Variants in TLE3 observed in about 807,000 individuals in gnomAD.
TLE3 encodes transducin-like enhancer protein 3.
A neutral mutation model predicts 93.0 loss-of-function variants in TLE3; 14 were observed. The ratio of observed to expected loss-of-function variants is 0.15; its 90% confidence interval spans 0.10 to 0.24. TLE3 has a LOEUF of 0.24. Ranked by LOEUF, TLE3 falls within the 10% of genes least tolerant of loss-of-function variation. The pLI, the probability that TLE3 is intolerant of heterozygous loss-of-function variation, is 1.00. For synonymous variants in TLE3, 451 were observed against 425.0 expected (o/e 1.06, Z -0.75); for missense variants, 693 against 1,046.6 (o/e 0.66, Z 4.66).
intron 10 of TLE3, among the ~76,000 whole-genome samples, chr15:70,059,119 G>A (rs1008861594): frequency 2.0e-5 from 3 of 152,126 alleles, no homozygotes; most frequent in Non-Finnish European, 4.4e-5. Flanking sequence ...TGAGACCCTG[G>A]GGGGACGGAG....
rs1018291144 is a variant in TLE3 at position 70,063,829 on chromosome 15, C to T, written c.594+625G>A. 7.2e-5 allele frequency among the ~76,000 whole-genome samples: 11 copies of T among 152,318 alleles called. No homozygotes were observed. In the South Asian group the frequency reaches 1.4e-3, roughly 20 times the overall value. On this transcript the variant is annotated intron_variant, in intron 8 of 19. Coordinates refer to ENST00000451782, the MANE Select transcript of TLE3 (RefSeq NM_001105192.3). The stretch of plus-strand genomic sequence containing the variant: ...ACGCAGGCGGCCTGGCCTTAATGCT[C>T]GCCTGCTAGCACTTTCTTAAATCGA...
At chr15:70,065,978 T>TCCCCC in intron 7 of TLE3, 36 bp downstream of exon 7, 2 of 686,820 alleles carry the variant, frequency 2.9e-6, no homozygotes, top group Non-Finnish European at 5.0e-6. Flanking sequence ...TGCCCACCCC[T>TCCCCC]GCCCCGCCCC....
intron 17 of TLE3, chr15:70,052,935 G>A (rs1478886255): frequency 9.5e-6 from 4 of 418,852 alleles, no homozygotes; most frequent in Non-Finnish European, 1.7e-5. Flanking sequence ...CTAGGAGGGT[G>A]CTACTATTAT....
At position 70,070,934 on chromosome 15, in the gene TLE3, TA is replaced by T. The variant is rs372769874; in HGVS notation, c.372+3598del. 1.4e-3 allele frequency among the ~76,000 whole-genome samples: 215 copies of T among 150,024 alleles called. 1 individual carries two copies. The highest frequency in any genetic ancestry group is 5.1e-3 in the East Asian group (26 of 5,122). ...CCCTCTTCCTCTCCTCCCTCCCACT[TA>T]AAAAAAAAATCAAGTCAATGCTCTG... On this transcript the variant is annotated intron_variant, in intron 6 of 19. Transcript: ENST00000451782.
chr15:70,058,750 A>G lies in TLE3; in HGVS notation c.831T>C (p.Arg277=), dbSNP rs377571879. 8.7e-6 allele frequency: 14 copies of G among 1,610,924 alleles called. No homozygotes were observed. The highest frequency in any genetic ancestry group is 1.3e-5 in the African/African-American group (1 of 74,866). ...SPPENGLDKA[R]SLKKDAPTSP... is the part of the protein sequence containing the mutation. ...TGGTGGGGGCATCTTTTTTCAGGCT[A>G]CGGGCCTTGTCCAGCCCATTTTCAG... The change falls in exon 11 of 20, where the codon CGT becomes CGC. Residue 277 remains arginine (R), a synonymous_variant. Coordinates refer to ENST00000451782, the MANE Select transcript of TLE3 (RefSeq NM_001105192.3). This position sits in a 1 kb window ranked among gnomAD's most constrained non-coding sequence, Gnocchi z 4.1.
intron 6 of TLE3, among the ~76,000 whole-genome samples, chr15:70,067,693 A>T (rs1320587189): frequency 6.6e-6 from 1 of 152,236 alleles, no homozygotes; most frequent in East Asian, 1.9e-4. Flanking sequence ...GGAGGCAGTA[A>T]GCATTTCAGG....
At chr15:70,072,389 C>T (rs1436141796) in intron 6 of TLE3, among the ~76,000 whole-genome samples, 1 of 152,158 alleles carries the variant, frequency 6.6e-6, no homozygotes, top group Non-Finnish European at 1.5e-5. Flanking sequence ...AGGAGTTGGC[C>T]TGGAAACCTC....
intron 6 of TLE3, among the ~76,000 whole-genome samples, chr15:70,073,030 C>T (rs940348735): frequency 6.6e-6 from 1 of 152,220 alleles, no homozygotes; most frequent in African/African-American, 2.4e-5. Flanking sequence ...GCTTGCATCC[C>T]CCACCTGCCC....
chr15:70,053,049 C>T (rs1313530079), intron 17 of TLE3, 178 bp downstream of exon 17: 5 of 734,684 alleles, frequency 6.8e-6, no homozygotes, highest in Non-Finnish European at 8.5e-6. Context: ...CCAAGGTCAT[C>T]TCCATCTGTT....
rs966049244 is a variant in TLE3 at position 70,049,226 on chromosome 15, AAG to A, written c.*869_*870del. Reference sequence around the variant, plus strand: ...AGGAGGAGAGAGGGAGAGACCAAGAAAGAGAGACACAGAGAGGGCAAGAGGCA... The same window carrying A: ...AGGAGGAGAGAGGGAGAGACCAAGAAAGAGACACAGAGAGGGCAAGAGGCA... On this transcript the variant is annotated 3_prime_UTR_variant, in exon 20 of 20. Transcript: ENST00000451782. 9 of 152,442 alleles carry A rather than the reference AAG, an allele frequency of 5.9e-5. No individual in the cohort carries two copies. The highest frequency in any genetic ancestry group is 1.9e-4 in the African/African-American group (8 of 41,460). The allele number at this position is 152,442 out of a possible 1,614,324, so 9.4% of individuals were successfully genotyped here. A position where few individuals can be genotyped will look rare whatever the true frequency, so the allele number is the denominator to read the frequency against.
At chr15:70,059,663 C>T (rs1347372781) in intron 9 of TLE3, among the ~76,000 whole-genome samples, 1 of 152,192 alleles carries the variant, frequency 6.6e-6, no homozygotes, top group Non-Finnish European at 1.5e-5. Flanking sequence ...GTCCCCTAGC[C>T]CAGGCCCCGG....
At chr15:70,087,602 C>G (rs982262478) in intron 4 of TLE3, among the ~76,000 whole-genome samples, 1 of 152,226 alleles carries the variant, frequency 6.6e-6, no homozygotes, top group African/African-American at 2.4e-5. Context: ...ACCTAAGACA[C>G]ACGAGCCAAG....
At chr15:70,091,222 T>C (rs2058290727) in intron 4 of TLE3, among the ~76,000 whole-genome samples, 1 of 152,256 alleles carries the variant, frequency 6.6e-6, no homozygotes, top group Non-Finnish European at 1.5e-5. Flanking sequence ...GGTGACTGTA[T>C]TGTGTCGGCA....
chr15:70,087,364 C>T (rs2058081906), intron 4 of TLE3, among the ~76,000 whole-genome samples: 1 of 152,176 alleles, frequency 6.6e-6, no homozygotes, highest in South Asian at 2.1e-4. Flanking sequence ...CTGTCCTGGA[C>T]CCAAATACCC....
chr15:70,081,091 C>T (rs994190226), intron 4 of TLE3, among the ~76,000 whole-genome samples: 11 of 152,150 alleles, frequency 7.2e-5, no homozygotes, highest in African/African-American at 1.7e-4. Flanking sequence ...TATGCTCCAA[C>T]GCCACGCAGA....
chr15:70,054,778 TC>T, intron 15 of TLE3, 93 bp from the exon 16 acceptor site: 1 of 1,439,998 alleles, frequency 6.9e-7, no homozygotes, highest in Non-Finnish European at 9.2e-7. Flanking sequence ...CCCTCACCAG[TC>T]CTGCTTACAG....
rs1184050402 is a variant in TLE3, at chr15:70,097,707, A to G, written c.-909T>C. 2.5e-6 allele frequency: 1 copy of G among 396,560 alleles called. No homozygotes were observed. Among genetic ancestry groups the G allele is most frequent in the Admixed American group, 4.4e-5 (1 of 22,622 alleles). 24.6% of individuals were successfully genotyped at this position (396,560 alleles called of 1,614,324 possible). A position where few individuals can be genotyped will look rare whatever the true frequency, so the allele number is the denominator to read the frequency against. On this transcript the variant is annotated 5_prime_UTR_variant, in exon 1 of 20. Coordinates refer to ENST00000451782, the MANE Select transcript of TLE3 (RefSeq NM_001105192.3). ...ACGCAGCCCGAGACCGGGGAGCTCTACGGCTTCCTTCCTTCCCCTCGGCCC... is the reference window on the plus strand; with the variant it reads ...ACGCAGCCCGAGACCGGGGAGCTCTGCGGCTTCCTTCCTTCCCCTCGGCCC...
chr15:70,081,498 C>G (rs1220381145), intron 4 of TLE3, among the ~76,000 whole-genome samples: 1 of 152,238 alleles, frequency 6.6e-6, no homozygotes, highest in Non-Finnish European at 1.5e-5. Flanking sequence ...AGCCTCTAGG[C>G]AAGAACAATG....
chr15:70,097,847 C>A lies in TLE3; in HGVS notation c.-1049G>T. On this transcript the variant is annotated 5_prime_UTR_variant, in exon 1 of 20. Transcript: ENST00000451782. Reference sequence around the variant, plus strand: ...AAAAAGTGCCCCGGACCTACGGATACCACACACAGACAGGCGAAGGGGACG... The same window carrying A: ...AAAAAGTGCCCCGGACCTACGGATAACACACACAGACAGGCGAAGGGGACG... 1 of 351,536 alleles carries A rather than the reference C, an allele frequency of 2.8e-6. No individual in the cohort carries two copies. The highest frequency in any genetic ancestry group is 5.1e-6 in the Non-Finnish European group (1 of 196,576). The allele number at this position is 351,536 out of a possible 1,614,324, so 21.8% of individuals were successfully genotyped here.
Sources: gnomAD v4.1 joint callset for allele counts (sites outside exome capture counted in the v4.1 genomes callset) on GRCh38, gnomAD v4.1.1 for gene constraint, Gnocchi (gnomAD v3.1) non-coding constraint, MANE v1.5 for transcripts, NCBI Gene and HGNC (gene_info 2026-07-23, HGNC 2026-07-21) for gene names.